The following CFAP61 variants were observed in gnomAD, a reference collection of about 807,000 sequenced individuals.
The protein encoded by CFAP61 is cilia and flagella associated protein 61.
Under a neutral mutation model 135.6 loss-of-function variants are expected in CFAP61, and 107 were observed. The ratio of observed to expected loss-of-function variants is 0.79; its 90% CI spans 0.67 to 0.93. The LOEUF (loss-of-function observed/expected upper bound fraction) is 0.93. Ranked by LOEUF, CFAP61 falls within the 40% of genes least tolerant of loss-of-function variation. CFAP61 has a pLI of 0.00. For synonymous variants in CFAP61, 575 were observed against 578.5 expected, an observed-to-expected ratio of 0.99 and a Z score of 0.09; for missense variants, 1,507 against 1,556.2, an observed-to-expected ratio of 0.97 and a Z score of 0.53.
intron 26 of CFAP61, among the ~76,000 whole-genome samples, chr20:20,357,017 T>A (rs1208426240): frequency 8.6e-4 from 83 of 96,004 alleles, no homozygotes; most frequent in African/African-American, 3.2e-3. Flanking sequence ...GGTCACACTG[T>A]GAGGGGAGGT....
At chr20:20,237,985 T>G (rs981475313) in intron 18 of CFAP61, among the ~76,000 whole-genome samples, 1 of 152,268 alleles carries the variant, frequency 6.6e-6, no homozygotes, top group African/African-American at 2.4e-5. Flanking sequence ...TATTAGTCAT[T>G]GCTAAGCTTT....
At chr20:20,121,568 C>T (rs1427104095) in intron 8 of CFAP61, among the ~76,000 whole-genome samples, 2 of 152,164 alleles carry the variant, frequency 1.3e-5, no homozygotes, top group Admixed American at 1.3e-4. Context: ...AATCTTGGCA[C>T]ACCACAACCT....
At chr20:20,126,408 T>C (rs1318896793) in intron 8 of CFAP61, among the ~76,000 whole-genome samples, 2 of 151,894 alleles carry the variant, frequency 1.3e-5, no homozygotes, top group African/African-American at 2.4e-5. Context: ...AGTGGAGGCT[T>C]AGTAGTGGCG....
At chr20:20,075,917 C>T (rs928626589) in intron 6 of CFAP61, among the ~76,000 whole-genome samples, 6 of 152,084 alleles carry the variant, frequency 3.9e-5, no homozygotes, top group African/African-American at 1.4e-4. Flanking sequence ...ATAAAACAAG[C>T]TTAAAAATGA....
At chr20:20,199,726 T>C (rs1364723287) in intron 16 of CFAP61, 42 bp from the exon 17 acceptor site, 4 of 1,611,688 alleles carry the variant, frequency 2.5e-6, no homozygotes, top group African/African-American at 1.3e-5. Context: ...GCTGAGCCTC[T>C]CTGACATTCT....
intron 19 of CFAP61, among the ~76,000 whole-genome samples, chr20:20,248,565 G>C (rs1043992575): frequency 6.6e-6 from 1 of 152,212 alleles, no homozygotes. Context: ...CAGTGGGAGA[G>C]GAGAAGGAAC....
At chr20:20,105,426 T>C (rs1353804416) in intron 8 of CFAP61, among the ~76,000 whole-genome samples, 1 of 152,106 alleles carries the variant, frequency 6.6e-6, no homozygotes, top group African/African-American at 2.4e-5. Flanking sequence ...TGCCATTTTC[T>C]CATTGTGATC....
chr20:20,216,239 A>C (rs960118494), intron 17 of CFAP61, among the ~76,000 whole-genome samples: 1 of 152,206 alleles, frequency 6.6e-6, no homozygotes, highest in African/African-American at 2.4e-5. Flanking sequence ...ATTAACACGA[A>C]CACTGGGACT....
intron 25 of CFAP61, among the ~76,000 whole-genome samples, chr20:20,314,534 ATT>A (rs11478344): frequency 1.3e-5 from 2 of 149,110 alleles, no homozygotes; most frequent in African/African-American, 4.9e-5. Context: ...ATTATTATTT[ATT>A]TTTTTTATTA....
chr20:20,289,044 G>A (rs111250342), intron 23 of CFAP61, 108 bp downstream of exon 23: 88 of 730,396 alleles, frequency 1.2e-4, no homozygotes, highest in African/African-American at 1.8e-4. Context: ...AGGCTCCTCC[G>A]TACCTCAATG....
intron 26 of CFAP61, among the ~76,000 whole-genome samples, chr20:20,350,637 AAAACAAAC>A (rs199723569): frequency 2.0e-5 from 3 of 152,218 alleles, no homozygotes; most frequent in African/African-American, 4.8e-5. Context: ...TCAAAAAAAC[AAAACAAAC>A]AAACAAACAA....
At chr20:20,090,003 A>C (rs1024973932) in intron 6 of CFAP61, among the ~76,000 whole-genome samples, 2 of 152,226 alleles carry the variant, frequency 1.3e-5, no homozygotes, top group Non-Finnish European at 2.9e-5. Context: ...TAACTATGAA[A>C]CAGGAAGGGA....
intron 8 of CFAP61, among the ~76,000 whole-genome samples, chr20:20,103,961 T>C (rs907380167): frequency 6.6e-6 from 1 of 152,218 alleles, no homozygotes; most frequent in South Asian, 2.1e-4. Flanking sequence ...CGTTGAGATC[T>C]GGGCAGCATG....
intron 25 of CFAP61, among the ~76,000 whole-genome samples, chr20:20,320,492 GTAATATATATTATATATGTAATATA>G (rs1602000210): frequency 3.7e-4 from 2 of 5,420 alleles, no homozygotes; most frequent in Non-Finnish European, 5.9e-4. Flanking sequence ...TATAATATAT[GTAATATATATTATATATGTAATATA>G]TAATATATAT....
At chr20:20,058,366 T>C (rs2044538499) in intron 2 of CFAP61, among the ~76,000 whole-genome samples, 1 of 151,908 alleles carries the variant, frequency 6.6e-6, no homozygotes, top group Non-Finnish European at 1.5e-5. Flanking sequence ...GTAGGGAACA[T>C]TATCAAATTG....
chr20:20,323,203 C>A (rs1004635282), intron 25 of CFAP61: 5 of 985,248 alleles, frequency 5.1e-6, no homozygotes, highest in Non-Finnish European at 6.0e-6. Flanking sequence ...ATGGAATAAA[C>A]GGATCTCATT....
intron 8 of CFAP61, among the ~76,000 whole-genome samples, chr20:20,120,878 A>T (rs2049558506): frequency 6.6e-6 from 1 of 152,172 alleles, no homozygotes. Flanking sequence ...TTATCAGTAT[A>T]TAGTGATCTT....
In CFAP61 at chr20:20,260,111, C is replaced by A. The variant is rs77154932; in HGVS notation, c.2329-2845C>A. ...AACAGGAATGTATGGGTGTAAGAAA[C>A]TTCTGCTAGCTTCTTCTAAATGTCT... On this transcript the variant is annotated intron_variant, in intron 20 of 26. Transcript: ENST00000245957. 5.2e-3 allele frequency among the ~76,000 whole-genome samples: 798 copies of A among 152,318 alleles called. 12 individuals carry two copies. The highest frequency in any genetic ancestry group is 0.019 in the African/African-American group (778 of 41,570).
At chr20:20,349,919 C>G (rs1203128168) in intron 26 of CFAP61, among the ~76,000 whole-genome samples, 1 of 152,028 alleles carries the variant, frequency 6.6e-6, no homozygotes, top group Non-Finnish European at 1.5e-5. Context: ...GAAGGGACTC[C>G]AAATAGCCAA....
Sources: gnomAD v4.1 joint callset for allele counts (sites outside exome capture counted in the v4.1 genomes callset) on GRCh38, gnomAD v4.1.1 for gene constraint, MANE v1.5 for transcripts, NCBI Gene and HGNC (gene_info 2026-07-23, HGNC 2026-07-21) for gene names.